Variants in SPECC1L observed in about 807,000 individuals in gnomAD.
The protein encoded by SPECC1L is cytospin-A.
Under a neutral mutation model 116.8 loss-of-function variants are expected in SPECC1L, and 40 were observed. That is an observed-to-expected ratio of 0.34 (90% CI 0.27 to 0.45). The LOEUF is 0.45. SPECC1L is among the 20% of genes least tolerant of loss of function. The probability of loss-of-function intolerance (pLI) is 1.00; values close to 1 mark genes in which losing one functional copy is unlikely to be tolerated. For synonymous variants in SPECC1L, 504 were observed against 500.6 expected (o/e 1.01, Z -0.09); for missense variants, 1,110 against 1,373.6 (o/e 0.81, Z 3.03).
At chr22:24,390,886 T>TC (rs1408740922) in intron 14 of SPECC1L, among the ~76,000 whole-genome samples, 11 of 129,062 alleles carry the variant, frequency 8.5e-5, no homozygotes, top group Non-Finnish European at 1.3e-4. Context: ...TTTTTTTTTT[T>TC]TTTTTTTTTT....
Position 24,321,711 on chromosome 22 carries a change from T to G in SPECC1L, c.731T>G (p.Leu244Trp), listed in dbSNP as rs1238656917. 6.2e-7 allele frequency: 1 copy of G among 1,614,146 alleles called. No homozygotes were observed. Among genetic ancestry groups the G allele is most frequent in the South Asian group, 1.1e-5 (1 of 91,096 alleles). ...HQPTDVESTL[L>W]QLQEQNTAIR... ...CCGACTGATGTGGAGTCCACTTTAT[T>G]GCAGTTGCAGGAACAGAATACTGCC... The change falls in exon 5 of 17, where the codon TTG (leucine) becomes TGG (tryptophan). Residue 244 changes from leucine (L) to tryptophan (W), a missense_variant. Leu to Trp is a moderately conservative substitution (Grantham distance 61). Around this residue, in one of 4 missense-constraint regions of SPECC1L, gnomAD observed 437 missense variants for 482.6 expected, o/e 0.91. Coordinates refer to ENST00000314328, the MANE Select transcript of SPECC1L (RefSeq NM_015330.6).
At position 24,322,176 on chromosome 22, in the gene SPECC1L, G is replaced by A; in HGVS notation, c.1196G>A (p.Arg399Gln). Residue 399 changes from arginine (R) to glutamine (Q), a missense_variant, in exon 5 of 17, where the codon CGG becomes CAG. By Grantham distance (43) the Arg-to-Gln change is conservative (BLOSUM62 1). Coordinates refer to ENST00000314328, the MANE Select transcript of SPECC1L (RefSeq NM_015330.6). ...GTGTCCGTGGCTTGCCTGACTGAAC[G>A]GATACACCAGATGGAAGAGAACCAA... Reference protein sequence around the residue: ...SEVSVACLTERIHQMEENQHS... With the variant: ...SEVSVACLTEQIHQMEENQHS... 5 of 1,613,896 alleles carry A rather than the reference G, an allele frequency of 3.1e-6. No individual in the cohort carries two copies. Among genetic ancestry groups the A allele is most frequent in the Non-Finnish European group, 4.2e-6 (5 of 1,180,038 alleles).
chr22:24,271,372 C>G (rs993292543), intron 1 of SPECC1L, among the ~76,000 whole-genome samples: 1 of 152,252 alleles, frequency 6.6e-6, no homozygotes, highest in Non-Finnish European at 1.5e-5. Context: ...GCCCGGGTCC[C>G]TTGCCTGGGG....
At chr22:24,408,799 G>A (rs975395370) in intron 14 of SPECC1L, among the ~76,000 whole-genome samples, 3 of 152,254 alleles carry the variant, frequency 2.0e-5, no homozygotes, top group Admixed American at 6.5e-5. Context: ...AACGTTCTGG[G>A]CACGTGCAGT....
At chr22:24,384,799 G>A (rs930222200) in intron 14 of SPECC1L, among the ~76,000 whole-genome samples, 4 of 152,088 alleles carry the variant, frequency 2.6e-5, no homozygotes, top group South Asian at 2.1e-4. Flanking sequence ...AATGTAGGCC[G>A]GGTGCGGTGG....
rs994399026 is a variant in SPECC1L at position 24,384,531 on chromosome 22, TAGG to T, written c.3087+15215_3087+15217del. Among the ~76,000 whole-genome samples the T allele has an allele frequency of 2.0e-5, 3 of 152,116 alleles. 1 individual carries two copies. Among genetic ancestry groups the T allele is most frequent in the Non-Finnish European group, 2.9e-5 (2 of 68,018 alleles). On this transcript the variant is annotated intron_variant, in intron 14 of 16. Coordinates refer to ENST00000314328, the MANE Select transcript of SPECC1L (RefSeq NM_015330.6). ...ATTTAAGATAAAATGGTTTAAAAGT[TAGG>T]AGGGGGACAGTAAATGTAATTAAGG...
At chr22:24,277,732 A>G (rs2048863342) in intron 2 of SPECC1L, among the ~76,000 whole-genome samples, 1 of 152,220 alleles carries the variant, frequency 6.6e-6, no homozygotes, top group African/African-American at 2.4e-5. Context: ...GCTGAATGAT[A>G]TACTTTATTT....
intron 14 of SPECC1L, among the ~76,000 whole-genome samples, chr22:24,384,627 A>AG (rs1336707870): frequency 8.5e-5 from 13 of 152,192 alleles, no homozygotes; most frequent in African/African-American, 3.1e-4. Context: ...GAATAAGTGA[A>AG]GGGTTTCACA....
intron 6 of SPECC1L, among the ~76,000 whole-genome samples, chr22:24,327,707 C>T (rs1347540230): frequency 6.6e-6 from 1 of 151,996 alleles, no homozygotes; most frequent in African/African-American, 2.4e-5. Context: ...TTACTGCTAC[C>T]ATTAGCTGGC....
At chr22:24,276,447 C>T (rs1406147005) in intron 1 of SPECC1L, among the ~76,000 whole-genome samples, 1 of 151,950 alleles carries the variant, frequency 6.6e-6, no homozygotes, top group Non-Finnish European at 1.5e-5. Flanking sequence ...GAAAAACATA[C>T]TGGTGGCATT....
intron 4 of SPECC1L, among the ~76,000 whole-genome samples, chr22:24,318,934 T>C (rs139053596): frequency 0.014 from 2,127 of 151,200 alleles, 25 homozygotes; most frequent in Middle Eastern, 0.024. Flanking sequence ...AAAAAAAAAG[T>C]TATGCCATCT....
At chr22:24,273,840 C>G (rs1374204653) in intron 1 of SPECC1L, among the ~76,000 whole-genome samples, 1 of 152,228 alleles carries the variant, frequency 6.6e-6, no homozygotes, top group East Asian at 1.9e-4. Flanking sequence ...CTCACCGCAA[C>G]CTACGCCTCC....
intron 10 of SPECC1L, 51 bp from the exon 11 acceptor site, chr22:24,347,035 T>C: frequency 7.2e-7 from 1 of 1,392,790 alleles, no homozygotes; most frequent in Non-Finnish European, 1.0e-6. Context: ...ATTTACTTTG[T>C]GAGTCCAAAC....
At chr22:24,369,372 G>A (rs778500522) in intron 14 of SPECC1L, 52 bp downstream of exon 14, 32 of 1,318,734 alleles carry the variant, frequency 2.4e-5, no homozygotes, top group Non-Finnish European at 3.0e-5. Context: ...ACCAACTGCT[G>A]GAGTGTCGTA....
At chr22:24,395,431 A>T (rs1261820390) in intron 14 of SPECC1L, among the ~76,000 whole-genome samples, 1 of 152,220 alleles carries the variant, frequency 6.6e-6, no homozygotes, top group African/African-American at 2.4e-5. Flanking sequence ...CACATACAAG[A>T]TGCCCCATAA....
rs200134011 is a variant in SPECC1L at position 24,330,262 on chromosome 22, T to A, written c.2227T>A (p.Ser743Thr). Residue 743 changes from serine (S) to threonine (T), a missense_variant, in exon 8 of 17, where the codon TCT becomes ACT. Physicochemically the swap from Ser to Thr is moderately conservative, Grantham distance 58. Around this residue, in one of 4 missense-constraint regions of SPECC1L, gnomAD observed 575 missense variants for 682.4 expected, o/e 0.84. Coordinates refer to ENST00000314328, the MANE Select transcript of SPECC1L (RefSeq NM_015330.6). ...KTLHRRLREE[S>T]AEWRQFQADL... The stretch of plus-strand genomic sequence containing the variant: ...AGTTAGTTTTTTAATATAGGAAGAA[T>A]CTGCGGAATGGCGGCAGTTTCAGGC... 8 of 1,613,944 alleles carry A rather than the reference T, an allele frequency of 5.0e-6. No individual in the cohort carries two copies. Among genetic ancestry groups the A allele is most frequent in the Non-Finnish European group, 6.8e-6 (8 of 1,179,980 alleles).
At chr22:24,348,675 G>A (rs916394186) in intron 11 of SPECC1L, among the ~76,000 whole-genome samples, 1 of 152,126 alleles carries the variant, frequency 6.6e-6, no homozygotes, top group Non-Finnish European at 1.5e-5. Context: ...TTTACATCCC[G>A]CCTCCCAGAT....
chr22:24,378,586 C>T (rs572243841), intron 14 of SPECC1L, among the ~76,000 whole-genome samples: 3 of 152,170 alleles, frequency 2.0e-5, no homozygotes, highest in South Asian at 2.1e-4. Flanking sequence ...GAAAGATGTG[C>T]GAGTCTTCCT....
intron 14 of SPECC1L, among the ~76,000 whole-genome samples, chr22:24,394,565 G>C (rs5751858): frequency 0.025 from 3,793 of 152,286 alleles, 154 homozygotes; most frequent in South Asian, 0.12. Context: ...TGGACTAGCT[G>C]CTGGATCATG....
Sources: gnomAD v4.1 joint callset for allele counts (sites outside exome capture counted in the v4.1 genomes callset) on GRCh38, gnomAD v4.1.1 for gene constraint, gnomAD v4.1.1 regional missense constraint, MANE v1.5 for transcripts, NCBI Gene and HGNC (gene_info 2026-07-23, HGNC 2026-07-21) for gene names.